Variants in CLCA4 observed in about 807,000 individuals in gnomAD.
CLCA4 encodes calcium-activated chloride channel regulator 4.
CLCA4 carries 69 observed loss-of-function variants against 78.9 expected under a neutral mutation model. The observed-to-expected ratio is 0.87, with a 90% CI of 0.72 to 1.07. CLCA4 has a LOEUF of 1.07. Ranked by LOEUF, CLCA4 falls within the 50% of genes least tolerant of loss-of-function variation. The probability of loss-of-function intolerance (pLI) is 0.00; values close to 1 mark genes in which losing one functional copy is unlikely to be tolerated. For missense variants in CLCA4, 1,133 were observed against 1,095.8 expected (o/e 1.03, Z -0.48); for synonymous variants, 362 against 375.8 (o/e 0.96, Z 0.42).
chr1:86,567,312 A>G, intron 6 of CLCA4, 112 bp from the exon 7 acceptor site: 3 of 904,578 alleles, frequency 3.3e-6, no homozygotes, highest in Non-Finnish European at 3.3e-6. Flanking sequence ...AACAACATCA[A>G]TTACCATTCA....
chr1:86,552,922 C>A, intron 1 of CLCA4: 1 of 663,808 alleles, frequency 1.5e-6, no homozygotes, highest in South Asian at 1.7e-5. Context: ...ACGCTCCTCC[C>A]TCTGCGGGTG....
chr1:86,558,551 A>G (rs929653432), intron 1 of CLCA4, among the ~76,000 whole-genome samples: 1 of 152,190 alleles, frequency 6.6e-6, no homozygotes, highest in African/African-American at 2.4e-5. Flanking sequence ...TGGATAATTT[A>G]TAAAGGAAAA....
At chr1:86,575,269 T>A in intron 10 of CLCA4, 63 bp from the exon 11 acceptor site, 1 of 1,305,552 alleles carries the variant, frequency 7.7e-7, no homozygotes, top group Non-Finnish European at 1.1e-6. Context: ...TAGAATTACA[T>A]AATGGAAATA....
chr1:86,555,143 T>C (rs926337661), intron 1 of CLCA4, among the ~76,000 whole-genome samples: 1 of 152,198 alleles, frequency 6.6e-6, no homozygotes, highest in Non-Finnish European at 1.5e-5. Context: ...AATATTTTCT[T>C]CTATTCTGTA....
chr1:86,552,171 G>A (rs1327324819), intron 1 of CLCA4, among the ~76,000 whole-genome samples: 2 of 151,882 alleles, frequency 1.3e-5, no homozygotes, highest in African/African-American at 2.4e-5. Flanking sequence ...TAAGAAAATA[G>A]CTGAAAAAAT....
intron 1 of CLCA4, among the ~76,000 whole-genome samples, chr1:86,550,698 T>C (rs916773864): frequency 6.6e-6 from 1 of 151,786 alleles, no homozygotes; most frequent in African/African-American, 2.4e-5. Context: ...GCTGAGATCA[T>C]GCCACTGCAT....
At chr1:86,553,259 G>T in intron 1 of CLCA4, 1 of 889,244 alleles carries the variant, frequency 1.1e-6, no homozygotes. Flanking sequence ...AGCTGTACGA[G>T]GACACGGTCT....
chr1:86,565,392 T>G lies in CLCA4; in HGVS notation c.676T>G (p.Phe226Val). The change falls in exon 5 of 14, where the codon TTT becomes GTT. Residue 226 changes from phenylalanine (F) to valine (V), a missense_variant. Transcript: ENST00000370563. Reference protein sequence around the residue: ...TKLYGKDCQFFPDKVQTEKAS... With the variant: ...TKLYGKDCQFVPDKVQTEKAS... ...ACTGTATGGAAAAGATTGTCAATTC[T>G]TTCCTGATAAAGTACAAACAGAAAA... 6.2e-7 allele frequency: 1 copy of G among 1,609,660 alleles called. No homozygotes were observed. The highest frequency in any genetic ancestry group is 8.5e-7 in the Non-Finnish European group (1 of 1,176,830).
At chr1:86,574,244 CACATCAGGAAA>C (rs780276851) in intron 9 of CLCA4, among the ~76,000 whole-genome samples, 7 of 151,874 alleles carry the variant, frequency 4.6e-5, no homozygotes, top group Non-Finnish European at 8.8e-5. Flanking sequence ...TTCAAATTTC[CACATCAGGAAA>C]ACATCCATGA....
At chr1:86,555,825 G>A (rs551835820) in intron 1 of CLCA4, among the ~76,000 whole-genome samples, 12 of 152,126 alleles carry the variant, frequency 7.9e-5, no homozygotes, top group African/African-American at 2.2e-4. Context: ...TCTTCCTATC[G>A]ATGAGCATGG....
chr1:86,550,599 G>GA (rs200095772), intron 1 of CLCA4, among the ~76,000 whole-genome samples: 16 of 145,626 alleles, frequency 1.1e-4, no homozygotes, highest in South Asian at 4.4e-4. Flanking sequence ...CTAGGGGTCC[G>GA]AAAAAAAAAA....
In CLCA4 at chr1:86,578,178, T is replaced by C. The variant is rs186751557; in HGVS notation, c.2122+106T>C. 246 of 1,029,090 alleles carry C rather than the reference T, an allele frequency of 2.4e-4. 1 individual carries two copies. In the African/African-American group the frequency reaches 3.8e-3, roughly 16 times the overall value. The allele number at this position is 1,029,090 out of a possible 1,614,324, so 63.7% of individuals were successfully genotyped here. ...TGATTAAAACTCAAAATATAGCTTT[T>C]CCCATTTATGGAATAAAGTTCTCAG... On this transcript the variant is annotated intron_variant, in intron 12 of 13. Coordinates refer to ENST00000370563, the MANE Select transcript of CLCA4 (RefSeq NM_012128.4).
intron 1 of CLCA4, among the ~76,000 whole-genome samples, chr1:86,554,308 C>T (rs1649764211): frequency 6.6e-6 from 1 of 152,114 alleles, no homozygotes; most frequent in South Asian, 2.1e-4. Context: ...CCCATGTTCC[C>T]GCAAAAGACA....
intron 1 of CLCA4, chr1:86,553,476 G>A (rs867280414): frequency 1.8e-5 from 6 of 326,672 alleles, no homozygotes; most frequent in South Asian, 6.8e-5. Context: ...GATCCTGTCC[G>A]ACCCGCGAGT....
chr1:86,558,005 T>C (rs2101796586), intron 1 of CLCA4, among the ~76,000 whole-genome samples: 1 of 152,254 alleles, frequency 6.6e-6, no homozygotes, highest in East Asian at 1.9e-4. Context: ...AAATTAGGAT[T>C]ACAACCCCTG....
In CLCA4 at chr1:86,547,189, AT is replaced by A; in HGVS notation, c.72del (p.Lys25SerfsTer2). 6.2e-7 allele frequency: 1 copy of A among 1,612,188 alleles called. No individual in the cohort carries two copies. The highest frequency in any genetic ancestry group is 1.1e-5 in the South Asian group (1 of 90,630). On this transcript the variant is annotated frameshift_variant, in exon 1 of 14. Coordinates refer to ENST00000370563, the MANE Select transcript of CLCA4 (RefSeq NM_012128.4). LOFTEE classifies it high-confidence loss of function. ...GCTGCACCAGTCAAATACTTCCTTC[AT>A]TAAGCTGAATAATAATGGCTTTGAA... ...CLLHQSNTSFIKLNNNGFEDI... is the reference protein window; with the variant it reads ...CLLHQSNTSFXKLNNNGFEDI...
chr1:86,551,476 G>A (rs1649661016), intron 1 of CLCA4, among the ~76,000 whole-genome samples: 1 of 152,172 alleles, frequency 6.6e-6, no homozygotes, highest in African/African-American at 2.4e-5. Flanking sequence ...GGCGGGGCAG[G>A]AGAGGAAGGT....
At position 86,552,461 on chromosome 1, in the gene CLCA4, G is replaced by A. The variant is rs1649694207; in HGVS notation, c.159+5183G>A. Reference sequence around the variant, plus strand: ...GGGAAAGTGAGTGGGACGGGCCTGGGGTTGCAGACCCTGCTGATGATGGTC... The same window carrying A: ...GGGAAAGTGAGTGGGACGGGCCTGGAGTTGCAGACCCTGCTGATGATGGTC... On this transcript the variant is annotated intron_variant, in intron 1 of 13. Transcript: ENST00000370563. 1.3e-5 allele frequency among the ~76,000 whole-genome samples: 2 copies of A among 152,228 alleles called. 1 individual carries two copies. Among genetic ancestry groups the A allele is most frequent in the Non-Finnish European group, 2.9e-5 (2 of 68,046 alleles).
intron 11 of CLCA4, among the ~76,000 whole-genome samples, chr1:86,576,706 T>C (rs1166257359): frequency 6.6e-6 from 1 of 151,856 alleles, no homozygotes; most frequent in Admixed American, 6.6e-5. Context: ...AAAGTATAAA[T>C]ATAGTCCTGA....
Sources: allele counts gnomAD v4.1 joint callset (sites outside exome capture counted in the v4.1 genomes callset), GRCh38; gene constraint gnomAD v4.1.1; transcripts MANE v1.5; gene names NCBI Gene and HGNC (gene_info 2026-07-23, HGNC 2026-07-21).